CABIN1: variants seen among roughly 807,000 people sequenced by gnomAD.
The protein encoded by CABIN1 is calcineurin-binding protein cabin-1.
In CABIN1, 133 loss-of-function variants were observed where a neutral mutation model predicts 227.7. That is an observed-to-expected ratio of 0.58 (90% CI 0.51 to 0.67). The LOEUF is 0.67. CABIN1 is among the 30% of genes least tolerant of loss of function. The pLI is 0.00. For missense variants in CABIN1, 2,408 were observed against 2,852.5 expected, an observed-to-expected ratio of 0.84 and a Z score of 3.55; for synonymous variants, 1,086 against 1,155.1, an observed-to-expected ratio of 0.94 and a Z score of 1.21.
chr22:24,088,943 C>T (rs2041357757), intron 23 of CABIN1, among the ~76,000 whole-genome samples: 1 of 152,174 alleles, frequency 6.6e-6, no homozygotes, highest in African/African-American at 2.4e-5. Context: ...AACTGTTCTG[C>T]ACTAAAGTCC....
At chr22:24,158,006 T>C (rs2045936765) in intron 29 of CABIN1, among the ~76,000 whole-genome samples, 1 of 152,198 alleles carries the variant, frequency 6.6e-6, no homozygotes, top group Admixed American at 6.5e-5. Flanking sequence ...GGGAATGGGA[T>C]GCCAACAGGC....
intron 26 of CABIN1, among the ~76,000 whole-genome samples, chr22:24,104,905 A>T (rs2042424631): frequency 6.6e-6 from 1 of 152,352 alleles, no homozygotes; most frequent in South Asian, 2.1e-4. Flanking sequence ...TAGCACAAGC[A>T]TACATCTTCT....
rs764601629 is a variant in CABIN1 at position 24,041,219 on chromosome 22, C to T, written c.291C>T (p.Ala97=). The T allele has an allele frequency of 6.2e-7, 1 of 1,614,154 alleles. No homozygotes were observed. The highest frequency in any genetic ancestry group is 2.2e-5 in the East Asian group (1 of 44,888). ...AATATTCCACTTATAAGAACTTGGC[C>T]CAGCTGGCAGCCCAGCGGGAGGATC... The part of the protein sequence containing the change: ...ILKYSTYKNL[A]QLAAQREDLE... Residue 97 remains alanine (A), a synonymous_variant, in exon 5 of 37, where the codon GCC becomes GCT. Coordinates refer to ENST00000263119, the MANE Select transcript of CABIN1 (RefSeq NM_012295.4).
chr22:24,133,689 G>A (rs2044214468), intron 28 of CABIN1, among the ~76,000 whole-genome samples: 1 of 152,182 alleles, frequency 6.6e-6, no homozygotes, highest in Non-Finnish European at 1.5e-5. Context: ...AGAGAGGGAG[G>A]AGTGGCTGGC....
chr22:24,072,188 C>T (rs1348502687), intron 17 of CABIN1, among the ~76,000 whole-genome samples, 166 bp from the exon 18 acceptor site: 1 of 152,136 alleles, frequency 6.6e-6, no homozygotes, highest in African/African-American at 2.4e-5. Context: ...GGTCTCTGTC[C>T]GATGACATGC....
chr22:24,087,899 T>G (rs909471851), intron 23 of CABIN1, among the ~76,000 whole-genome samples, 186 bp downstream of exon 23: 5 of 150,434 alleles, frequency 3.3e-5, no homozygotes, highest in African/African-American at 1.2e-4. Context: ...TCCCTGGTCT[T>G]TGGACACCCA....
intron 29 of CABIN1, among the ~76,000 whole-genome samples, chr22:24,145,465 T>A (rs5760218): frequency 6.6e-6 from 1 of 152,048 alleles, no homozygotes; most frequent in African/African-American, 2.4e-5. Context: ...ACAGCAAGTT[T>A]GCACCTGAGC....
rs1328401326 is a variant in CABIN1 at position 24,167,257 on chromosome 22, T to C, written c.5626T>C (p.Tyr1876His). The part of the protein sequence containing the change: ...VWQQGQKGVA[Y>H]DLGRVERIMS... ...GCAGCAGGGCCAGAAGGGTGTGGCC[T>C]ATGACCTGGGCCGTGTGGAGAGGAT... Residue 1876 changes from tyrosine (Y) to histidine (H), a missense_variant, in exon 32 of 37, where the codon TAT (tyrosine) becomes CAT (histidine). Physicochemically the swap from Tyr to His is moderately conservative, Grantham distance 83. Transcript: ENST00000263119. The C allele has an allele frequency of 6.2e-7, 1 of 1,613,496 alleles. No homozygotes were observed. The highest frequency in any genetic ancestry group is 8.5e-7 in the Non-Finnish European group (1 of 1,179,992).
chr22:24,134,949 G>T (rs1192115514), intron 29 of CABIN1, among the ~76,000 whole-genome samples: 1 of 151,196 alleles, frequency 6.6e-6, no homozygotes, highest in Non-Finnish European at 1.5e-5. Context: ...GTGGTGGCGG[G>T]CGCCATAATC....
At chr22:24,064,777 A>G (rs1235020326) in intron 15 of CABIN1, among the ~76,000 whole-genome samples, 1 of 152,022 alleles carries the variant, frequency 6.6e-6, no homozygotes, top group Non-Finnish European at 1.5e-5. Flanking sequence ...CACCGCCCTT[A>G]ATCCATTTAA....
intron 28 of CABIN1, among the ~76,000 whole-genome samples, chr22:24,127,883 G>A (rs769266161): frequency 5.3e-5 from 8 of 151,784 alleles, no homozygotes; most frequent in Non-Finnish European, 7.4e-5. Context: ...TATGAATAAC[G>A]TAGAACAGAG....
chr22:24,044,568 C>CT (rs762380938), intron 6 of CABIN1, among the ~76,000 whole-genome samples: 28 of 152,214 alleles, frequency 1.8e-4, no homozygotes, highest in Non-Finnish European at 3.7e-4. Context: ...ACAATGCCCT[C>CT]TTATTTTCTC....
rs567077474 is a variant in CABIN1, at chr22:24,083,380, G to A, written c.2901G>A (p.Ser967=). 29 of 1,613,886 alleles carry A rather than the reference G, an allele frequency of 1.8e-5. No homozygotes were observed. Among genetic ancestry groups the A allele is most frequent in the South Asian group, 8.8e-5 (8 of 91,078 alleles). ...AGGCCAGGTACCTGGAGGAACACTC[G>A]GCCCAGCAGGTGAGGGTGCTGCAAT... is the stretch of plus-strand genomic sequence containing the variant. ...KSKARYLEEH[S]AQQVDLIWED... is the part of the protein sequence containing the mutation. The change falls in exon 20 of 37, where the codon TCG becomes TCA. Residue 967 remains serine, a synonymous_variant. Coordinates refer to ENST00000263119, the MANE Select transcript of CABIN1 (RefSeq NM_012295.4).
At chr22:24,155,417 G>C (rs2045725122) in intron 29 of CABIN1, among the ~76,000 whole-genome samples, 1 of 152,242 alleles carries the variant, frequency 6.6e-6, no homozygotes, top group South Asian at 2.1e-4. Context: ...TGTCCTGAGA[G>C]CTGCCTACTA....
intron 28 of CABIN1, among the ~76,000 whole-genome samples, chr22:24,121,688 A>G (rs1199749432): frequency 1.3e-5 from 2 of 152,194 alleles, no homozygotes; most frequent in Non-Finnish European, 2.9e-5. Context: ...TGCTTTGGGA[A>G]CTTTCCCCTT....
Position 24,178,433 on chromosome 22 carries a change from C to T in CABIN1, c.*237C>T, listed in dbSNP as rs1036511683. 7 of 563,818 alleles carry T rather than the reference C, an allele frequency of 1.2e-5. No individual in the cohort carries two copies. Among genetic ancestry groups the T allele is most frequent in the Non-Finnish European group, 1.9e-5 (6 of 314,544 alleles). 34.9% of individuals were successfully genotyped at this position (563,818 alleles called of 1,614,324 possible). On this transcript the variant is annotated 3_prime_UTR_variant, in exon 37 of 37. Coordinates refer to ENST00000263119, the MANE Select transcript of CABIN1 (RefSeq NM_012295.4). ...CTTAGCCATGTGAAGGTGGATTGGT[C>T]GCCATCTGCACGCCAGGCGGCATCC...
chr22:24,160,466 C>T (rs907029684), intron 29 of CABIN1: 3 of 152,232 alleles, frequency 2.0e-5, no homozygotes, highest in East Asian at 1.9e-4. Flanking sequence ...AGCCTCAGAA[C>T]AGCCTTGGGC....
At chr22:24,016,754 A>G (rs1412714329) in intron 1 of CABIN1, among the ~76,000 whole-genome samples, 4 of 152,214 alleles carry the variant, frequency 2.6e-5, no homozygotes, top group East Asian at 1.9e-4. Flanking sequence ...CCAATTTCCA[A>G]CAGTGTATGA....
At chr22:24,020,290 A>T (rs1444900168) in intron 1 of CABIN1, among the ~76,000 whole-genome samples, 1 of 152,138 alleles carries the variant, frequency 6.6e-6, no homozygotes, top group Non-Finnish European at 1.5e-5. Context: ...GTGTTTTCAC[A>T]TGTGATGTGT....
Sources: allele counts gnomAD v4.1 joint callset (sites outside exome capture counted in the v4.1 genomes callset), GRCh38; gene constraint gnomAD v4.1.1; transcripts MANE v1.5; gene names NCBI Gene and HGNC (gene_info 2026-07-23, HGNC 2026-07-21).